TUSC3: variants seen among roughly 807,000 people sequenced by gnomAD.
TUSC3 encodes the protein dolichyl-diphosphooligosaccharide--protein glycosyltransferase subunit TUSC3.
TUSC3 carries 45 observed loss-of-function variants against 44.8 expected under a neutral mutation model. The observed-to-expected ratio is 1.00, with a 90% CI of 0.79 to 1.29. The LOEUF is 1.29. Among genes scored for constraint, TUSC3 ranks in the 50% most tolerant of loss-of-function variants. The pLI is 0.00. For missense variants in TUSC3, 519 were observed against 437.9 expected, an observed-to-expected ratio of 1.19 and a Z score of -1.65; for synonymous variants, 212 against 152.9, an observed-to-expected ratio of 1.39 and a Z score of -2.85.
chr8:15,540,170 G>T (rs1801626678), upstream of TUSC3: 1 of 433,198 alleles, frequency 2.3e-6, no homozygotes, highest in Non-Finnish European at 3.9e-6. Context: ...AGCGCACGCC[G>T]CGCCCCCGAA....
intron 6 of TUSC3, among the ~76,000 whole-genome samples, chr8:15,689,826 G>A (rs1243169652): frequency 4.6e-5 from 2 of 43,838 alleles, no homozygotes; most frequent in Non-Finnish European, 8.0e-5. Context: ...TCCATGGTGT[G>A]TGTGTGTGTG....
intron 1 of TUSC3, among the ~76,000 whole-genome samples, chr8:15,441,775 T>C (rs28380623): frequency 0.16 from 24,759 of 152,120 alleles, 2,096 homozygotes; most frequent in Middle Eastern, 0.23. Flanking sequence ...ACATGAGGTG[T>C]CCTGAGTGTT....
chr8:15,497,996 C>T (rs571820382), intron 2 of TUSC3, among the ~76,000 whole-genome samples: 6 of 152,174 alleles, frequency 3.9e-5, no homozygotes, highest in South Asian at 4.2e-4. Context: ...TGATCCGCCC[C>T]CCTTCGGCCT....
intron 10 of TUSC3, 149 bp from the exon 11 acceptor site, chr8:15,764,054 T>G: frequency 1.3e-6 from 1 of 771,838 alleles, no homozygotes; most frequent in South Asian, 1.8e-5. Flanking sequence ...TTAGAAAAAT[T>G]GCCCTGATGT....
intron 3 of TUSC3, among the ~76,000 whole-genome samples, chr8:15,653,956 C>T (rs1039821981): frequency 6.6e-6 from 1 of 152,022 alleles, no homozygotes; most frequent in Non-Finnish European, 1.5e-5. Context: ...ATGTGATTCC[C>T]ATAGGAATGG....
chr8:15,752,931 G>A lies in TUSC3; in HGVS notation c.1028+4466G>A, dbSNP rs535936388. 3.2e-3 allele frequency among the ~76,000 whole-genome samples: 489 copies of A among 151,926 alleles called. 2 individuals are homozygous for A. Among genetic ancestry groups the A allele is most frequent in the African/African-American group, 0.011 (476 of 41,492 alleles). On this transcript the variant is annotated intron_variant, in intron 9 of 10. Coordinates refer to ENST00000503731, the MANE Select transcript of TUSC3 (RefSeq NM_006765.4). The stretch of plus-strand genomic sequence containing the variant: ...TTCAAGAGATGACGATTTTACTCAA[G>A]GAAAAACTTCCTTATTCTTGAACTT...
chr8:15,641,136 A>G (rs1975059), intron 2 of TUSC3, among the ~76,000 whole-genome samples: 147,825 of 152,078 alleles, frequency 0.97, 71,950 homozygotes, highest in East Asian at 1. Context: ...CGAGGTGGGC[A>G]GATCATTAGG....
At chr8:15,626,236 G>T (rs1263895400) in intron 2 of TUSC3, among the ~76,000 whole-genome samples, 1 of 152,152 alleles carries the variant, frequency 6.6e-6, no homozygotes, top group Non-Finnish European at 1.5e-5. Flanking sequence ...GCTGTCACCT[G>T]CCACTTCTAC....
At chr8:15,648,725 CAAAAAAAAAAAAAAA>C (rs58526383) in intron 2 of TUSC3, among the ~76,000 whole-genome samples, 33 of 26,158 alleles carry the variant, frequency 1.3e-3, no homozygotes, top group East Asian at 6.7e-3. Context: ...GACTCTGTGT[CAAAAAAAAAAAAAAA>C]AAAAAAAAAA....
intron 1 of TUSC3, among the ~76,000 whole-genome samples, chr8:15,555,360 G>GA (rs1371653066): frequency 6.9e-6 from 1 of 144,562 alleles, no homozygotes; most frequent in Non-Finnish European, 1.5e-5. Flanking sequence ...AGTGCTGGGG[G>GA]ATCACAGTTC....
chr8:15,500,778 GA>G (rs1347808992), intron 2 of TUSC3, among the ~76,000 whole-genome samples: 3 of 152,220 alleles, frequency 2.0e-5, no homozygotes, highest in African/African-American at 4.8e-5. Context: ...TTCGGAACTT[GA>G]AAAGTCCCAT....
chr8:15,836,736 C>T, the TUSC3 span, among the ~76,000 whole-genome samples: 6 of 152,160 alleles, frequency 3.9e-5, no homozygotes, highest in Admixed American at 3.3e-4. Flanking sequence ...CAATTAAATA[C>T]ATGTTTATTG....
At chr8:15,609,987 A>G (rs554642104) in intron 1 of TUSC3, among the ~76,000 whole-genome samples, 1 of 151,810 alleles carries the variant, frequency 6.6e-6, no homozygotes, top group African/African-American at 2.4e-5. Context: ...CTGGTATTTT[A>G]TTGTATTATT....
intron 1 of TUSC3, among the ~76,000 whole-genome samples, chr8:15,615,151 C>T (rs1804936160): frequency 6.6e-6 from 1 of 152,110 alleles, no homozygotes; most frequent in African/African-American, 2.4e-5. Context: ...CAAAGAGATA[C>T]CTGTCCTCTC....
intron 1 of TUSC3, among the ~76,000 whole-genome samples, chr8:15,449,973 C>A (rs530441131): frequency 1.3e-3 from 203 of 152,190 alleles, no homozygotes; most frequent in African/African-American, 4.5e-3. Context: ...CTAGGCTATA[C>A]CACATAGCCT....
intron 2 of TUSC3, among the ~76,000 whole-genome samples, chr8:15,520,558 C>G (rs1362985849): frequency 6.6e-6 from 1 of 152,134 alleles, no homozygotes; most frequent in African/African-American, 2.4e-5. Context: ...AACATTCCTG[C>G]CTCTGTGTTG....
intron 5 of TUSC3, among the ~76,000 whole-genome samples, chr8:15,662,521 A>G (rs905668834): frequency 1.3e-5 from 2 of 151,914 alleles, no homozygotes; most frequent in Non-Finnish European, 2.9e-5. Context: ...TACTTGGCAC[A>G]AGTGCTAGAT....
chr8:15,488,256 A>G (rs1028915454), intron 2 of TUSC3, among the ~76,000 whole-genome samples: 1 of 151,732 alleles, frequency 6.6e-6, no homozygotes, highest in Non-Finnish European at 1.5e-5. Flanking sequence ...CTATAATCCT[A>G]GCAATTTGGG....
intron 1 of TUSC3, among the ~76,000 whole-genome samples, chr8:15,469,184 C>G (rs530254446): frequency 6.6e-6 from 1 of 152,160 alleles, no homozygotes; most frequent in Non-Finnish European, 1.5e-5. Context: ...TAAAATTAAA[C>G]TTCTTCTCTG....
Sources: allele counts gnomAD v4.1 joint callset (sites outside exome capture counted in the v4.1 genomes callset), GRCh38; gene constraint gnomAD v4.1.1; transcripts MANE v1.5; gene names NCBI Gene and HGNC (gene_info 2026-07-23, HGNC 2026-07-21).